Variants in AHCY observed in about 807,000 individuals in gnomAD.
The protein encoded by AHCY is adenosylhomocysteinase, also known as S-adenosyl-L-homocysteine hydrolase.
In AHCY, 24 loss-of-function variants were observed where a neutral mutation model predicts 45.4. The ratio of observed to expected loss-of-function variants is 0.53; its 90% CI spans 0.38 to 0.74. The LOEUF is 0.74. Among genes scored for constraint, AHCY ranks in the 30% least tolerant of loss-of-function variants. AHCY has a pLI of 0.00. For synonymous variants in AHCY, 245 were observed against 235.1 expected (o/e 1.04, Z -0.39); for missense variants, 449 against 594.1 (o/e 0.76, Z 2.54).
chr20:34,278,673 C>A (rs914799352), downstream of AHCY, among the ~76,000 whole-genome samples: 1 of 152,124 alleles, frequency 6.6e-6, no homozygotes, highest in Non-Finnish European at 1.5e-5. Context: ...CTACCACATA[C>A]AAAAGTCAGC....
intron 1 of AHCY, chr20:34,302,773 G>C: frequency 2.0e-6 from 2 of 993,786 alleles, no homozygotes; most frequent in Non-Finnish European, 1.2e-6. Context: ...CCTGGGGCTC[G>C]CTTTCCAGGC....
At chr20:34,267,843 T>TA in the AHCY span, among the ~76,000 whole-genome samples, 44,270 of 147,588 alleles carry the variant, frequency 0.3, 7,161 homozygotes, top group Admixed American at 0.45. Context: ...TAACCATATT[T>TA]AAAAAAAAAA....
downstream of AHCY, among the ~76,000 whole-genome samples, chr20:34,277,185 C>T (rs994330111): frequency 4.6e-5 from 7 of 152,180 alleles, no homozygotes; most frequent in African/African-American, 1.7e-4. Flanking sequence ...CCCCTCCCAC[C>T]ACAGCCAGTC....
At chr20:34,240,523 T>C in the AHCY span, among the ~76,000 whole-genome samples, 1 of 152,182 alleles carries the variant, frequency 6.6e-6, no homozygotes, top group Non-Finnish European at 1.5e-5. Flanking sequence ...GCCCTTTGAC[T>C]GAAATCTGAA....
intron 3 of AHCY, 126 bp downstream of exon 3, chr20:34,293,955 G>A: frequency 4.1e-6 from 4 of 964,862 alleles, no homozygotes; most frequent in Non-Finnish European, 3.3e-6. Context: ...GCTGGGCTAG[G>A]ATTTTGTGGC....
At chr20:34,294,304 T>C (rs2036502221) in intron 2 of AHCY, 148 bp from the exon 3 acceptor site, 2 of 787,484 alleles carry the variant, frequency 2.5e-6, no homozygotes, top group African/African-American at 3.4e-5. Context: ...CTGGGGATGC[T>C]GGGTGGGCAG....
chr20:34,296,017 T>C (rs564290528), intron 1 of AHCY, among the ~76,000 whole-genome samples: 9 of 152,264 alleles, frequency 5.9e-5, no homozygotes, highest in East Asian at 1.9e-4. Flanking sequence ...TCAACACTTA[T>C]AAATACTATC....
At chr20:34,240,820 C>T in the AHCY span, among the ~76,000 whole-genome samples, 7 of 152,282 alleles carry the variant, frequency 4.6e-5, no homozygotes, top group Admixed American at 3.3e-4. Flanking sequence ...ACTTCCCTTC[C>T]AATCCCTTGT....
At chr20:34,262,732 T>C in the AHCY span, 2 of 1,340,596 alleles carry the variant, frequency 1.5e-6, no homozygotes, top group Non-Finnish European at 2.1e-6. Context: ...CTCCTCTCCC[T>C]GACCTTGTGA....
At chr20:34,248,293 A>C in the AHCY span, among the ~76,000 whole-genome samples, 1 of 152,194 alleles carries the variant, frequency 6.6e-6, no homozygotes, top group African/African-American at 2.4e-5. Flanking sequence ...ATGACATCTC[A>C]ATATTACAAC....
chr20:34,258,695 A>AAT, the AHCY span, among the ~76,000 whole-genome samples: 1 of 15,548 alleles, frequency 6.4e-5, no homozygotes, highest in Non-Finnish European at 1.5e-4. Context: ...ATATATACAT[A>AAT]CTATATATAT....
At chr20:34,302,781 G>C (rs953835332) in intron 1 of AHCY, 48 of 996,198 alleles carry the variant, frequency 4.8e-5, no homozygotes, top group Non-Finnish European at 5.5e-5. Context: ...TCGCTTTCCA[G>C]GCCTCTCCTC....
the AHCY span, among the ~76,000 whole-genome samples, chr20:34,235,780 GAGAAAGAAGAA>G: frequency 1.8e-5 from 2 of 108,160 alleles, no homozygotes; most frequent in African/African-American, 5.9e-5. Flanking sequence ...GTGAGACTCT[GAGAAAGAAGAA>G]AGAAAGAAAG....
chr20:34,271,641 C>T, the AHCY span, among the ~76,000 whole-genome samples: 1 of 148,956 alleles, frequency 6.7e-6, no homozygotes, highest in African/African-American at 2.5e-5. Context: ...TATGGGTTCA[C>T]CACAGCCTCT....
chr20:34,279,249 C>T (rs187532616), downstream of AHCY, among the ~76,000 whole-genome samples: 2 of 150,078 alleles, frequency 1.3e-5, no homozygotes, highest in Admixed American at 1.3e-4. Flanking sequence ...CCCATCTCTA[C>T]TAAAAAAAAA....
the AHCY span, among the ~76,000 whole-genome samples, chr20:34,256,394 G>A: frequency 9.2e-5 from 14 of 152,170 alleles, no homozygotes; most frequent in Admixed American, 6.5e-4. Context: ...TTATTTCTAC[G>A]ATCTCTCGTC....
chr20:34,268,912 C>A, the AHCY span: 1 of 1,525,082 alleles, frequency 6.6e-7, no homozygotes, highest in South Asian at 1.2e-5. Context: ...TCTCCCTAGC[C>A]CGAGGAGCTC....
downstream of AHCY, among the ~76,000 whole-genome samples, chr20:34,278,678 G>A (rs2035932863): frequency 6.6e-6 from 1 of 152,112 alleles, no homozygotes; most frequent in Non-Finnish European, 1.5e-5. Context: ...ACATACAAAA[G>A]TCAGCTCATG....
At chr20:34,275,682 CTTTT>C (rs57480737), downstream of AHCY, among the ~76,000 whole-genome samples, 1 of 140,120 alleles carries the variant, frequency 7.1e-6, no homozygotes, top group Admixed American at 7.1e-5. Context: ...TTATATCTTT[CTTTT>C]TTTTTTTTTT....
Sources: gnomAD v4.1 joint callset for allele counts (sites outside exome capture counted in the v4.1 genomes callset) on GRCh38, gnomAD v4.1.1 for gene constraint, MANE v1.5 for transcripts, NCBI Gene and HGNC (gene_info 2026-07-23, HGNC 2026-07-21) for gene names.